The following ADAM18 variants were observed in gnomAD, a reference collection of about 807,000 sequenced individuals.
The protein encoded by ADAM18 is disintegrin and metalloproteinase domain-containing protein 18.
ADAM18 carries 117 observed loss-of-function variants against 94.4 expected under a neutral mutation model. That is an observed-to-expected ratio of 1.24 (90% CI 1.07 to 1.45). The LOEUF is 1.45. Among genes scored for constraint, ADAM18 ranks in the 40% most tolerant of loss-of-function variants. The pLI is 0.00. For synonymous variants in ADAM18, 327 were observed against 291.6 expected, an observed-to-expected ratio of 1.12 and a Z score of -1.24; for missense variants, 936 against 880.0, an observed-to-expected ratio of 1.06 and a Z score of -0.81.
intron 10 of ADAM18, among the ~76,000 whole-genome samples, chr8:39,639,776 T>C (rs1411047007): frequency 6.6e-6 from 1 of 152,080 alleles, no homozygotes; most frequent in Non-Finnish European, 1.5e-5. Flanking sequence ...GTTTTCTCCT[T>C]GTTTCAGAAA....
At position 39,723,712 on chromosome 8, in the gene ADAM18, G is replaced by T. The variant is rs953371341; in HGVS notation, c.2018-36G>T. ...ATATAAATTTATTTAAATATCCACT[G>T]AGTCCCCACTAATTTATCATATGAT... On this transcript the variant is annotated intron_variant, in intron 18 of 19. Transcript: ENST00000265707. 3 of 1,356,902 alleles carry T rather than the reference G, an allele frequency of 2.2e-6. No homozygotes were observed. The African/African-American group carries it at 4.5e-5, about 20-fold the overall frequency. The allele number at this position is 1,356,902 out of a possible 1,614,324, so 84.1% of individuals were successfully genotyped here. A position where few individuals can be genotyped will look rare whatever the true frequency, so the allele number is the denominator to read the frequency against.
At chr8:39,663,598 C>CAAAAAAAAA (rs10597769) in intron 12 of ADAM18, among the ~76,000 whole-genome samples, 197 bp from the exon 13 acceptor site, 7 of 19,584 alleles carry the variant, frequency 3.6e-4, no homozygotes, top group Admixed American at 9.0e-4. Flanking sequence ...AATCCTGTCT[C>CAAAAAAAAA]AAAAAAAAAA....
chr8:39,703,556 G>A (rs1822148412), intron 17 of ADAM18, among the ~76,000 whole-genome samples: 1 of 152,136 alleles, frequency 6.6e-6, no homozygotes, highest in East Asian at 1.9e-4. Context: ...CTTAGCTCAT[G>A]TCAGTTTTCA....
chr8:39,627,168 C>CAA (rs1390878702), intron 6 of ADAM18, among the ~76,000 whole-genome samples: 2 of 152,154 alleles, frequency 1.3e-5, no homozygotes, highest in East Asian at 3.9e-4. Flanking sequence ...CTGATAAAGA[C>CAA]ATACCCGAGA....
intron 18 of ADAM18, among the ~76,000 whole-genome samples, chr8:39,709,184 G>A (rs998657821): frequency 6.6e-6 from 1 of 152,174 alleles, no homozygotes; most frequent in African/African-American, 2.4e-5. Context: ...GATGAAAGTG[G>A]CTCTCAGTGG....
chr8:39,603,721 G>T (rs1450078706), intron 2 of ADAM18, among the ~76,000 whole-genome samples: 1 of 152,094 alleles, frequency 6.6e-6, no homozygotes, highest in Non-Finnish European at 1.5e-5. Flanking sequence ...CCCTTGATGA[G>T]CACATTAAAT....
intron 18 of ADAM18, among the ~76,000 whole-genome samples, chr8:39,722,209 GTGTGTGTGTATATATA>G (rs1822772793): frequency 1.4e-5 from 1 of 73,158 alleles, no homozygotes; most frequent in African/African-American, 8.8e-5. Flanking sequence ...GTGTGTGTGT[GTGTGTGTGTATATATA>G]TATATATATA....
At chr8:39,599,709 ATATTC>A (rs1585882934) in intron 2 of ADAM18, among the ~76,000 whole-genome samples, 2 of 152,076 alleles carry the variant, frequency 1.3e-5, no homozygotes, top group Non-Finnish European at 2.9e-5. Flanking sequence ...TTTTTATTGC[ATATTC>A]TTATTATCCA....
In ADAM18 at chr8:39,611,054, A is replaced by T. The variant is rs145971099; in HGVS notation, c.522+348A>T. The T allele has an allele frequency of 1.4e-3, 1,391 of 1,028,962 alleles. 17 individuals are homozygous for T. In the African/African-American group the frequency reaches 0.022, roughly 16 times the overall value. 63.7% of individuals were successfully genotyped at this position (1,028,962 alleles called of 1,614,324 possible). On this transcript the variant is annotated intron_variant, in intron 6 of 19. Transcript: ENST00000265707. ...GTTATATATCTTACATACTACCTGA[A>T]CATATCTTTCTAAAATGCACAGCCA...
At chr8:39,716,483 T>C (rs1822582851) in intron 18 of ADAM18, among the ~76,000 whole-genome samples, 1 of 152,038 alleles carries the variant, frequency 6.6e-6, no homozygotes, top group Non-Finnish European at 1.5e-5. Context: ...TTTTGTTTCA[T>C]TCCCACATTC....
intron 11 of ADAM18, among the ~76,000 whole-genome samples, chr8:39,646,047 CACA>C (rs1820365376): frequency 6.6e-6 from 1 of 152,040 alleles, no homozygotes; most frequent in Middle Eastern, 3.4e-3. Context: ...ATATTTGTTC[CACA>C]ACAAATGGCT....
At chr8:39,697,681 C>T (rs1008947033) in intron 17 of ADAM18, among the ~76,000 whole-genome samples, 2 of 151,594 alleles carry the variant, frequency 1.3e-5, no homozygotes, top group Non-Finnish European at 3.0e-5. Flanking sequence ...TTTCCTCAGC[C>T]TGAAGAAAGT....
At chr8:39,695,971 A>AT (rs1267070835) in intron 17 of ADAM18, among the ~76,000 whole-genome samples, 2 of 151,260 alleles carry the variant, frequency 1.3e-5, no homozygotes, top group African/African-American at 2.4e-5. Flanking sequence ...TCTATTTTCA[A>AT]TTTTTTTCAG....
At chr8:39,721,632 T>C (rs910024864) in intron 18 of ADAM18, among the ~76,000 whole-genome samples, 1 of 151,234 alleles carries the variant, frequency 6.6e-6, no homozygotes, top group Admixed American at 6.6e-5. Flanking sequence ...AAAGAAGACA[T>C]CCAAGAGGCC....
At chr8:39,611,065 T>A (rs980484724) in intron 6 of ADAM18, 2 of 1,017,240 alleles carry the variant, frequency 2.0e-6, no homozygotes, top group African/African-American at 1.7e-5. Context: ...CATATCTTTC[T>A]AAAATGCACA....
At chr8:39,684,189 G>C (rs188489729) in intron 16 of ADAM18, among the ~76,000 whole-genome samples, 1 of 152,016 alleles carries the variant, frequency 6.6e-6, no homozygotes, top group African/African-American at 2.4e-5. Flanking sequence ...ATAAATTGAT[G>C]AGTTTAGAGA....
At chr8:39,724,335 G>T (rs75435025) in intron 19 of ADAM18, among the ~76,000 whole-genome samples, 3 of 151,690 alleles carry the variant, frequency 2.0e-5, no homozygotes, top group Non-Finnish European at 3.0e-5. Flanking sequence ...CTTCAAAATT[G>T]TATAATTTGT....
At chr8:39,659,470 C>T (rs1820773470) in intron 12 of ADAM18, among the ~76,000 whole-genome samples, 1 of 151,460 alleles carries the variant, frequency 6.6e-6, no homozygotes, top group Non-Finnish European at 1.5e-5. Context: ...TAAGCAATAG[C>T]AATTACTAAA....
At position 39,724,950 on chromosome 8, in the gene ADAM18, A is replaced by T. The variant is rs200628044; in HGVS notation, c.2177+1043A>T. ...TGATTTCAATCATTGTAAATTTAAA[A>T]TTTTTTAAATTTTTTGAGAATTTTT... On this transcript the variant is annotated intron_variant, in intron 19 of 19. Transcript: ENST00000265707. Among the ~76,000 whole-genome samples, 162 of 151,778 alleles carry T rather than the reference A, an allele frequency of 1.1e-3. 3 individuals are homozygous for T. Among genetic ancestry groups the T allele is most frequent in the African/African-American group, 3.8e-3 (158 of 41,452 alleles).
Sources: allele counts gnomAD v4.1 joint callset (sites outside exome capture counted in the v4.1 genomes callset), GRCh38; gene constraint gnomAD v4.1.1; transcripts MANE v1.5; gene names NCBI Gene and HGNC (gene_info 2026-07-23, HGNC 2026-07-21).